Variants in SLC14A1 observed in about 807,000 individuals in gnomAD.
SLC14A1 encodes solute carrier family 14 member 1 (Kidd blood group).
In SLC14A1, 36 loss-of-function variants were observed where a neutral mutation model predicts 39.6. That is an observed-to-expected ratio of 0.91 (90% CI 0.70 to 1.20). SLC14A1 has a LOEUF of 1.20. Ranked by LOEUF, SLC14A1 falls within the 50% of genes most tolerant of loss-of-function variation. The probability of loss-of-function intolerance (pLI) is 0.00; values close to 1 mark genes in which losing one functional copy is unlikely to be tolerated. For missense variants in SLC14A1, 469 were observed against 478.7 expected (o/e 0.98, Z 0.19); for synonymous variants, 164 against 173.6 (o/e 0.94, Z 0.43).
intron 2 of SLC14A1, 138 bp from the exon 3 acceptor site, chr18:45,730,162 T>C: frequency 1.2e-6 from 1 of 856,036 alleles, no homozygotes; most frequent in Admixed American, 3.0e-5. Context: ...TCTGTGGTGG[T>C]GTTTCAGAAG....
intron 4 of SLC14A1, 190 bp downstream of exon 4, chr18:45,731,394 A>G: frequency 1.5e-6 from 1 of 657,990 alleles, no homozygotes; most frequent in South Asian, 1.7e-5. Flanking sequence ...ATATCTGAAT[A>G]AATGGCTGGT....
chr18:45,750,249 A>T lies in SLC14A1; in HGVS notation c.*298A>T, dbSNP rs2047671807. 1.5e-6 allele frequency: 2 copies of T among 1,318,518 alleles called. No individual in the cohort carries two copies. Among genetic ancestry groups the T allele is most frequent in the African/African-American group, 3.0e-5 (2 of 67,258 alleles). The allele number at this position is 1,318,518 out of a possible 1,614,324, so 81.7% of individuals were successfully genotyped here. On this transcript the variant is annotated 3_prime_UTR_variant, in exon 10 of 10. Transcript: ENST00000321925. ...AGTGCTCCAACAGAAGGAGGAAGTG[A>T]AAACAAACTATTAGTATTTATTGAT...
At chr18:45,728,200 C>T (rs191425458) in intron 2 of SLC14A1, among the ~76,000 whole-genome samples, 39 of 152,314 alleles carry the variant, frequency 2.6e-4, no homozygotes, top group African/African-American at 9.4e-4. Context: ...GCCGCTCAGG[C>T]TCTCAATCAC....
At chr18:45,724,655 G>A (rs780326856) in intron 1 of SLC14A1, among the ~76,000 whole-genome samples, 10 of 152,184 alleles carry the variant, frequency 6.6e-5, no homozygotes, top group Non-Finnish European at 8.8e-5. Context: ...AAATAAGTTC[G>A]AGGCGAGTGT....
chr18:45,736,385 C>T, intron 5 of SLC14A1, 71 bp from the exon 6 acceptor site: 1 of 1,478,848 alleles, frequency 6.8e-7, no homozygotes, highest in Non-Finnish European at 9.4e-7. Context: ...AAAGCCCCTC[C>T]AGAGTATAGC....
At chr18:45,743,105 A>G (rs8095636) in intron 8 of SLC14A1, among the ~76,000 whole-genome samples, 4,919 of 152,358 alleles carry the variant, frequency 0.032, 277 homozygotes, top group African/African-American at 0.11. Flanking sequence ...GATTTATTGT[A>G]TAAAACAAAA....
At chr18:45,734,242 G>A (rs2047116233) in intron 4 of SLC14A1, 32 bp from the exon 5 acceptor site, 1 of 1,613,712 alleles carries the variant, frequency 6.2e-7, no homozygotes, top group East Asian at 2.2e-5. Flanking sequence ...GCTCACCCAG[G>A]AAATGTCCGT....
chr18:45,743,020 G>A (rs999490802), intron 8 of SLC14A1, among the ~76,000 whole-genome samples: 2 of 152,230 alleles, frequency 1.3e-5, no homozygotes, highest in Non-Finnish European at 2.9e-5. Flanking sequence ...GGAGAAGAAT[G>A]AAGTCGAAGC....
At chr18:45,743,453 G>A (rs563861259) in intron 8 of SLC14A1, among the ~76,000 whole-genome samples, 1 of 151,912 alleles carries the variant, frequency 6.6e-6, no homozygotes, top group African/African-American at 2.4e-5. Flanking sequence ...GCAGTCAACT[G>A]AGCTAAAGAG....
intron 6 of SLC14A1, among the ~76,000 whole-genome samples, chr18:45,737,151 G>A (rs1288256634): frequency 6.6e-6 from 1 of 152,138 alleles, no homozygotes; most frequent in African/African-American, 2.4e-5. Flanking sequence ...AATCACCTGG[G>A]GAGCTTTAAA....
intron 5 of SLC14A1, among the ~76,000 whole-genome samples, chr18:45,735,815 T>C (rs1255042736): frequency 6.6e-6 from 1 of 152,226 alleles, no homozygotes; most frequent in Non-Finnish European, 1.5e-5. Context: ...GTGATGGCTC[T>C]TTGATTGGGC....
chr18:45,727,409 G>T, intron 2 of SLC14A1: 1 of 1,548,388 alleles, frequency 6.5e-7, no homozygotes, highest in Middle Eastern at 1.7e-4. Flanking sequence ...CAGATGGGTC[G>T]CAGGAACAGG....
chr18:45,750,795 TTTTAC>T lies in SLC14A1; in HGVS notation c.*849_*853del. The T allele has an allele frequency of 1.0e-6, 1 of 985,102 alleles. No individual in the cohort carries two copies. The highest frequency in any genetic ancestry group is 1.1e-4 in the East Asian group (1 of 8,808). The allele number at this position is 985,102 out of a possible 1,614,324, so 61.0% of individuals were successfully genotyped here. On this transcript the variant is annotated 3_prime_UTR_variant, in exon 10 of 10. Transcript: ENST00000321925. ...TTTATGAAATACTCAGCTTAGGCAT[TTTTAC>T]TTTAACCCCTAAATTGATTTTGTAA... is the stretch of plus-strand genomic sequence containing the variant.
At chr18:45,735,720 T>C (rs923836835) in intron 5 of SLC14A1, among the ~76,000 whole-genome samples, 5 of 152,206 alleles carry the variant, frequency 3.3e-5, no homozygotes, top group African/African-American at 1.2e-4. Context: ...CTCTGAAGAA[T>C]AGGTTCGTGG....
In SLC14A1 at chr18:45,731,068, G is replaced by T; in HGVS notation, c.205G>T (p.Val69Leu). 6.2e-7 allele frequency: 1 copy of T among 1,614,184 alleles called. No individual in the cohort carries two copies. The highest frequency in any genetic ancestry group is 8.5e-7 in the Non-Finnish European group (1 of 1,180,028). ...IDWILRGISQ[V>L]VFVNNPVSGI... is the part of the protein sequence containing the mutation. ...CTGGATTCTCCGGGGCATATCCCAA[G>T]TGGTGTTCGTCAACAACCCCGTCAG... Residue 69 changes from valine (V) to leucine (L), a missense_variant, in exon 4 of 10, where the codon GTG (valine) becomes TTG (leucine). Val to Leu is a conservative substitution (Grantham distance 32, BLOSUM62 1). Transcript: ENST00000321925.
At chr18:45,737,287 G>A (rs10775479) in intron 6 of SLC14A1, among the ~76,000 whole-genome samples, 91,595 of 152,122 alleles carry the variant, frequency 0.6, 28,188 homozygotes, top group East Asian at 0.93. Context: ...GTATCAAGGG[G>A]TGAATCCTAT....
chr18:45,750,809 C>A lies in SLC14A1; in HGVS notation c.*858C>A. 1.0e-6 allele frequency: 1 copy of A among 984,958 alleles called. No homozygotes were observed. The highest frequency in any genetic ancestry group is 1.2e-6 in the Non-Finnish European group (1 of 829,552). The allele number at this position is 984,958 out of a possible 1,614,324, so 61.0% of individuals were successfully genotyped here. A position where few individuals can be genotyped will look rare whatever the true frequency, so the allele number is the denominator to read the frequency against. Reference sequence around the variant, plus strand: ...AGCTTAGGCATTTTTACTTTAACCCCTAAATTGATTTTGTAAATGCCACAA... The same window carrying A: ...AGCTTAGGCATTTTTACTTTAACCCATAAATTGATTTTGTAAATGCCACAA... On this transcript the variant is annotated 3_prime_UTR_variant, in exon 10 of 10. Coordinates refer to ENST00000321925, the MANE Select transcript of SLC14A1 (RefSeq NM_015865.7).
In SLC14A1 at chr18:45,731,085, C is replaced by A. The variant is rs749037771; in HGVS notation, c.222C>A (p.Asn74Lys). ...RGISQVVFVN[N>K]PVSGILILVG... is the part of the protein sequence containing the mutation. ...TATCCCAAGTGGTGTTCGTCAACAA[C>A]CCCGTCAGTGGAATCCTGATTCTGG... The change falls in exon 4 of 10, where the codon AAC becomes AAA. Residue 74 changes from asparagine (N) to lysine (K), a missense_variant. Asn to Lys is a moderately conservative substitution (Grantham distance 94, BLOSUM62 0). Transcript: ENST00000321925. 14 of 1,614,018 alleles carry A rather than the reference C, an allele frequency of 8.7e-6. No homozygotes were observed. In the East Asian group the frequency reaches 1.8e-4, roughly 21 times the overall value.
intron 5 of SLC14A1, 33 bp downstream of exon 5, chr18:45,734,435 T>TG (rs2047124957): frequency 6.6e-7 from 1 of 1,509,808 alleles, no homozygotes; most frequent in Non-Finnish European, 9.0e-7. Flanking sequence ...AATGCCTTTT[T>TG]GAAAAAAAAA....
Sources: gnomAD v4.1 joint callset for allele counts (sites outside exome capture counted in the v4.1 genomes callset) on GRCh38, gnomAD v4.1.1 for gene constraint, MANE v1.5 for transcripts, NCBI Gene and HGNC (gene_info 2026-07-23, HGNC 2026-07-21) for gene names.